The following FOXP1 variants were observed in gnomAD, a reference collection of about 807,000 sequenced individuals.
FOXP1 encodes the protein forkhead box P1, also known as forkhead box protein P1.
A neutral mutation model predicts 98.2 loss-of-function variants in FOXP1; 15 were observed. That is an observed-to-expected ratio of 0.15 (90% CI 0.10 to 0.24). The LOEUF is 0.24. Ranked by LOEUF, FOXP1 falls within the 10% of genes least tolerant of loss-of-function variation. The pLI, the probability that FOXP1 is intolerant of heterozygous loss-of-function variation, is 1.00. For synonymous variants in FOXP1, 371 were observed against 314.5 expected, an observed-to-expected ratio of 1.18 and a Z score of -1.90; for missense variants, 633 against 848.5, an observed-to-expected ratio of 0.75 and a Z score of 3.15.
At chr3:71,212,945 TG>T (rs2064604557) in intron 5 of FOXP1, among the ~76,000 whole-genome samples, 1 of 83,542 alleles carries the variant, frequency 1.2e-5, no homozygotes, top group Non-Finnish European at 2.3e-5. Flanking sequence ...AATTACAAAA[TG>T]GGAATATATA....
intron 5 of FOXP1, among the ~76,000 whole-genome samples, chr3:71,248,966 A>G (rs923585030): frequency 1.3e-5 from 2 of 152,192 alleles, no homozygotes; most frequent in Admixed American, 6.5e-5. Flanking sequence ...AAAGAGCTGC[A>G]TTGGTCATTG....
chr3:71,156,349 T>A (rs2060822304), intron 6 of FOXP1, among the ~76,000 whole-genome samples: 1 of 152,168 alleles, frequency 6.6e-6, no homozygotes, highest in Non-Finnish European at 1.5e-5. Context: ...CATCTAGCAC[T>A]GAACACAGAG....
intron 11 of FOXP1, among the ~76,000 whole-genome samples, chr3:71,031,697 C>T (rs2046888355): frequency 6.6e-6 from 1 of 151,930 alleles, no homozygotes; most frequent in Admixed American, 6.6e-5. Flanking sequence ...AACTGGACAA[C>T]CAAAATAGTT....
At chr3:71,424,890 C>A (rs1207412667) in intron 3 of FOXP1, among the ~76,000 whole-genome samples, 1 of 152,050 alleles carries the variant, frequency 6.6e-6, no homozygotes, top group Non-Finnish European at 1.5e-5. Flanking sequence ...GGGAGGAAGT[C>A]ACAAGCCAAC....
At chr3:70,978,155 T>C (rs1009111533) in intron 14 of FOXP1, 126 bp from the exon 15 acceptor site, 5 of 773,954 alleles carry the variant, frequency 6.5e-6, no homozygotes, top group Non-Finnish European at 6.7e-6. Context: ...GATGGTATGT[T>C]TACCATGAAC....
chr3:71,203,201 A>AT (rs2063781925), intron 5 of FOXP1, among the ~76,000 whole-genome samples: 1 of 152,178 alleles, frequency 6.6e-6, no homozygotes, highest in Admixed American at 6.5e-5. Flanking sequence ...CACGTGATCC[A>AT]TTTAATATAA....
intron 13 of FOXP1, among the ~76,000 whole-genome samples, chr3:70,990,003 A>G (rs996440675): frequency 6.6e-6 from 1 of 152,182 alleles, no homozygotes; most frequent in East Asian, 1.9e-4. Context: ...ATACACAGCC[A>G]CTTTCATAAA....
intron 2 of FOXP1, among the ~76,000 whole-genome samples, chr3:71,560,812 G>C (rs1407214022): frequency 6.6e-6 from 1 of 152,096 alleles, no homozygotes; most frequent in African/African-American, 2.4e-5. Context: ...AAAGGCCACA[G>C]AGAGTTTCAT....
chr3:71,369,776 T>G (rs903595686), intron 3 of FOXP1, among the ~76,000 whole-genome samples: 1 of 152,144 alleles, frequency 6.6e-6, no homozygotes, highest in African/African-American at 2.4e-5. Flanking sequence ...TAGAGTGTAG[T>G]TAATCAACTC....
At chr3:71,478,850 C>A (rs567172014) in intron 3 of FOXP1, among the ~76,000 whole-genome samples, 36 of 152,280 alleles carry the variant, frequency 2.4e-4, no homozygotes, top group African/African-American at 8.4e-4. Flanking sequence ...ATAGAAGGCA[C>A]CCAGCCATCC....
intron 3 of FOXP1, among the ~76,000 whole-genome samples, chr3:71,482,382 T>C (rs2090343486): frequency 6.7e-6 from 1 of 149,976 alleles, no homozygotes; most frequent in Non-Finnish European, 1.5e-5. Context: ...TTTTTTTTTT[T>C]TTTTGAGACG....
At chr3:71,248,935 A>C (rs1022085690) in intron 5 of FOXP1, among the ~76,000 whole-genome samples, 12 of 152,168 alleles carry the variant, frequency 7.9e-5, no homozygotes, top group African/African-American at 2.7e-4. Context: ...CAAAAAAGCC[A>C]GTGGGAAGGG....
intron 3 of FOXP1, among the ~76,000 whole-genome samples, chr3:71,397,164 A>T (rs1327418899): frequency 6.8e-6 from 1 of 146,446 alleles, no homozygotes; most frequent in Non-Finnish European, 1.5e-5. Flanking sequence ...GCAGGGTTGG[A>T]AGCACGTGTA....
chr3:71,030,678 A>T (rs770212331), intron 11 of FOXP1, among the ~76,000 whole-genome samples: 2 of 152,144 alleles, frequency 1.3e-5, no homozygotes, highest in Non-Finnish European at 2.9e-5. Flanking sequence ...CCCACTGAGG[A>T]ACACATTTTT....
chr3:71,460,440 G>T (rs59485642), intron 3 of FOXP1, among the ~76,000 whole-genome samples: 4,607 of 147,818 alleles, frequency 0.031, 188 homozygotes, highest in African/African-American at 0.099. Context: ...GTTTTTTTTT[G>T]TTGTTGTTGT....
At chr3:71,303,424 G>T (rs935288225) in intron 4 of FOXP1, among the ~76,000 whole-genome samples, 2 of 152,096 alleles carry the variant, frequency 1.3e-5, no homozygotes, top group Non-Finnish European at 1.5e-5. Context: ...GAAGGAACAT[G>T]GTTCAAACTT....
At chr3:71,569,565 T>C (rs995578000) in intron 2 of FOXP1, among the ~76,000 whole-genome samples, 2 of 152,122 alleles carry the variant, frequency 1.3e-5, no homozygotes, top group Non-Finnish European at 2.9e-5. Context: ...AAGAACAGCA[T>C]GTAACAAAAC....
intron 11 of FOXP1, among the ~76,000 whole-genome samples, chr3:71,026,546 T>C (rs933645768): frequency 6.6e-5 from 10 of 152,224 alleles, no homozygotes; most frequent in Non-Finnish European, 1.3e-4. Flanking sequence ...GTGTGTCTGA[T>C]GCTTTTAGGA....
chr3:71,089,119 G>C lies in FOXP1; in HGVS notation c.282+23417C>G, dbSNP rs139202610. Among the ~76,000 whole-genome samples the C allele has an allele frequency of 8.4e-3, 1,283 of 152,274 alleles. 13 individuals are homozygous for C. The highest frequency in any genetic ancestry group is 0.012 in the Non-Finnish European group (848 of 68,018). ...CCCAACCTCCGAAACAAGCCCCAAAGATTCTCACCATTTGGTATTCATGCC... is the reference window on the plus strand; with the variant it reads ...CCCAACCTCCGAAACAAGCCCCAAACATTCTCACCATTTGGTATTCATGCC... On this transcript the variant is annotated intron_variant, in intron 7 of 20. Coordinates refer to ENST00000649528, the MANE Select transcript of FOXP1 (RefSeq NM_001349338.3).
Sources: allele counts gnomAD v4.1 joint callset (sites outside exome capture counted in the v4.1 genomes callset), GRCh38; gene constraint gnomAD v4.1.1; transcripts MANE v1.5; gene names NCBI Gene and HGNC (gene_info 2026-07-23, HGNC 2026-07-21).